CDH12: variants seen among roughly 807,000 people sequenced by gnomAD.
The protein encoded by CDH12 is cadherin 12.
In CDH12, 41 loss-of-function variants were observed where a neutral mutation model predicts 74.1. The observed-to-expected ratio is 0.55, with a 90% confidence interval of 0.43 to 0.72. The LOEUF is 0.72. Ranked by LOEUF, CDH12 falls within the 30% of genes least tolerant of loss-of-function variation. CDH12 has a pLI of 0.00. For synonymous variants in CDH12, 399 were observed against 355.0 expected (o/e 1.12, Z -1.39); for missense variants, 945 against 977.2 (o/e 0.97, Z 0.44).
chr5:22,495,286 C>T (rs1747060479), intron 2 of CDH12, among the ~76,000 whole-genome samples: 2 of 152,106 alleles, frequency 1.3e-5, no homozygotes, highest in African/African-American at 4.8e-5. Context: ...AGGATCCTAC[C>T]ACTCTTCACA....
chr5:22,496,682 G>A (rs1747114650), intron 2 of CDH12, among the ~76,000 whole-genome samples: 1 of 152,124 alleles, frequency 6.6e-6, no homozygotes, highest in Admixed American at 6.5e-5. Context: ...TCCACGTTGT[G>A]ATTCCAATCA....
chr5:22,263,267 T>C (rs1314608219), intron 3 of CDH12, among the ~76,000 whole-genome samples: 1 of 152,108 alleles, frequency 6.6e-6, no homozygotes, highest in Non-Finnish European at 1.5e-5. Context: ...CCTGCTAATA[T>C]CATTCAGAGC....
chr5:22,745,746 C>A (rs752664899), intron 1 of CDH12, among the ~76,000 whole-genome samples: 11 of 151,928 alleles, frequency 7.2e-5, no homozygotes, highest in Non-Finnish European at 1.5e-4. Flanking sequence ...CGGAACGTAT[C>A]CACTGGGGCC....
At chr5:22,657,473 T>C (rs1430300960) in intron 1 of CDH12, among the ~76,000 whole-genome samples, 1 of 152,098 alleles carries the variant, frequency 6.6e-6, no homozygotes, top group Non-Finnish European at 1.5e-5. Flanking sequence ...GGCACAGAAA[T>C]CATTGGTTTT....
intron 8 of CDH12, among the ~76,000 whole-genome samples, chr5:21,835,130 T>C (rs1275445717): frequency 6.6e-6 from 1 of 151,698 alleles, no homozygotes; most frequent in African/African-American, 2.4e-5. Flanking sequence ...ATGTGGGAGG[T>C]GAGAGAGGCA....
chr5:22,261,223 C>A (rs1285384311), intron 3 of CDH12, among the ~76,000 whole-genome samples: 1 of 151,460 alleles, frequency 6.6e-6, no homozygotes, highest in Non-Finnish European at 1.5e-5. Context: ...ACATATTACT[C>A]GTTCACAAAT....
intron 1 of CDH12, among the ~76,000 whole-genome samples, chr5:22,682,053 C>G (rs542066566): frequency 6.6e-6 from 1 of 152,122 alleles, no homozygotes; most frequent in South Asian, 2.1e-4. Flanking sequence ...AATCTCTTTT[C>G]CCAGTAATGG....
At chr5:22,702,905 G>A (rs537054061) in intron 1 of CDH12, among the ~76,000 whole-genome samples, 8 of 152,012 alleles carry the variant, frequency 5.3e-5, no homozygotes, top group Admixed American at 5.2e-4. Flanking sequence ...GTTACATTTT[G>A]TTAAGTAAAT....
Position 21,989,440 on chromosome 5 carries a change from G to C in CDH12, c.232-14055C>G, listed in dbSNP as rs1039001064. Among the ~76,000 whole-genome samples, 20 of 152,070 alleles carry C rather than the reference G, an allele frequency of 1.3e-4. 1 individual carries two copies. The highest frequency in any genetic ancestry group is 1.5e-5 in the Non-Finnish European group (1 of 68,026). ...CAATGTTTTGACCAGACTTTTCTCT[G>C]TACTTTCGGGTGTGTTTCCCTATTA... On this transcript the variant is annotated intron_variant, in intron 5 of 14. Transcript: ENST00000382254.
chr5:22,467,892 T>A (rs1179049943), intron 2 of CDH12, among the ~76,000 whole-genome samples: 1 of 152,246 alleles, frequency 6.6e-6, no homozygotes, highest in African/African-American at 2.4e-5. Flanking sequence ...TTTAGGTTTC[T>A]AAACAAATCA....
At chr5:22,078,298 G>A in intron 5 of CDH12, 148 bp downstream of exon 5, 2 of 652,186 alleles carry the variant, frequency 3.1e-6, no homozygotes, top group Non-Finnish European at 2.7e-6. Context: ...GGGCCATTGA[G>A]TCAGGAAGAT....
intron 2 of CDH12, among the ~76,000 whole-genome samples, chr5:22,497,858 GTC>G (rs1222964697): frequency 7.4e-4 from 112 of 151,864 alleles, no homozygotes; most frequent in African/African-American, 2.5e-3. Context: ...GGCTGGGCTG[GTC>G]TCAAACTCCT....
chr5:21,805,615 C>T (rs1447404779), intron 9 of CDH12, among the ~76,000 whole-genome samples: 2 of 152,026 alleles, frequency 1.3e-5, no homozygotes, highest in African/African-American at 2.4e-5. Context: ...TCCCACTTGA[C>T]AAAATGGTAT....
intron 1 of CDH12, among the ~76,000 whole-genome samples, chr5:22,841,672 G>A (rs1424097041): frequency 6.6e-6 from 1 of 152,082 alleles, no homozygotes; most frequent in Non-Finnish European, 1.5e-5. Flanking sequence ...GAACTGAGAA[G>A]GAATAGCTAG....
chr5:21,888,161 A>G (rs960453254), intron 6 of CDH12, among the ~76,000 whole-genome samples: 1 of 152,220 alleles, frequency 6.6e-6, no homozygotes, highest in Non-Finnish European at 1.5e-5. Flanking sequence ...TAAGTTCTAC[A>G]GTGAGGTCCA....
intron 5 of CDH12, among the ~76,000 whole-genome samples, chr5:21,989,522 A>T (rs1757659870): frequency 6.6e-6 from 1 of 152,152 alleles, no homozygotes; most frequent in South Asian, 2.1e-4. Flanking sequence ...CCCAACCATG[A>T]GTCCTCAGGT....
At chr5:22,686,784 T>C (rs1439722606) in intron 1 of CDH12, among the ~76,000 whole-genome samples, 2 of 152,216 alleles carry the variant, frequency 1.3e-5, no homozygotes, top group Non-Finnish European at 2.9e-5. Flanking sequence ...TTTTAATACA[T>C]AGTACTTGCA....
At position 22,476,950 on chromosome 5, in the gene CDH12, G is replaced by A. The variant is rs185508453; in HGVS notation, c.-428+28320C>T. ...GTGGTGGAGTTACCATACTGAGGTG[G>A]ATTGTGGTGATTTACCAAAAATCTG... On this transcript the variant is annotated intron_variant, in intron 2 of 14. Transcript: ENST00000382254. Among the ~76,000 whole-genome samples the A allele has an allele frequency of 3.9e-5, 6 of 152,234 alleles. No homozygotes were observed. In the East Asian group the frequency reaches 1.2e-3, roughly 30 times the overall value.
At chr5:22,612,164 G>A (rs550018062) in intron 1 of CDH12, among the ~76,000 whole-genome samples, 1 of 152,146 alleles carries the variant, frequency 6.6e-6, no homozygotes, top group African/African-American at 2.4e-5. Flanking sequence ...TCAATACGCT[G>A]GTGAGCTCTC....
Sources: gnomAD v4.1 joint callset for allele counts (sites outside exome capture counted in the v4.1 genomes callset) on GRCh38, gnomAD v4.1.1 for gene constraint, MANE v1.5 for transcripts, NCBI Gene and HGNC (gene_info 2026-07-23, HGNC 2026-07-21) for gene names.